The following NDNF variants were observed in gnomAD, a reference collection of about 807,000 sequenced individuals.
The protein encoded by NDNF is protein NDNF.
A neutral mutation model predicts 42.0 loss-of-function variants in NDNF; 16 were observed. That is an observed-to-expected ratio of 0.38 (90% CI 0.26 to 0.58). The LOEUF (loss-of-function observed/expected upper bound fraction) is 0.58. NDNF is among the 20% of genes least tolerant of loss of function. The pLI, the probability that NDNF is intolerant of heterozygous loss-of-function variation, is 0.67. For missense variants in NDNF, 616 were observed against 666.2 expected, an observed-to-expected ratio of 0.92 and a Z score of 0.83; for synonymous variants, 248 against 251.7, an observed-to-expected ratio of 0.99 and a Z score of 0.14.
At chr4:121,055,118 G>C (rs1213458639) in intron 1 of NDNF, among the ~76,000 whole-genome samples, 2 of 152,174 alleles carry the variant, frequency 1.3e-5, no homozygotes, top group African/African-American at 4.8e-5. Flanking sequence ...ACAGGCATGA[G>C]TGGAAAGCTC....
At position 121,045,752 on chromosome 4, in the gene NDNF, A is replaced by T; in HGVS notation, c.86T>A (p.Leu29His). 6.2e-7 allele frequency: 1 copy of T among 1,614,202 alleles called. No individual in the cohort carries two copies. Among genetic ancestry groups the T allele is most frequent in the Non-Finnish European group, 8.5e-7 (1 of 1,180,042 alleles). ...TQKLPTRDEE[L>H]FQMQIRDKAF... ...CTTGTCCCGGATCTGCATCTGAAAA[A>T]GTTCCTCATCCCGGGTGGGTAACTT... The change falls in exon 2 of 4, where the codon CTT (leucine) becomes CAT (histidine). Residue 29 changes from leucine to histidine, a missense_variant. Leu to His is a moderately conservative substitution (Grantham distance 99, BLOSUM62 -3). Transcript: ENST00000379692.
At chr4:121,039,143 G>GTA (rs1386847891) in intron 3 of NDNF, among the ~76,000 whole-genome samples, 14,375 of 37,572 alleles carry the variant, frequency 0.38, 2,692 homozygotes, top group African/African-American at 0.48. Context: ...ATATATATAT[G>GTA]TGTATATATA....
Position 121,037,135 on chromosome 4 carries a change from T to G in NDNF, c.836A>C (p.His279Pro). 6.2e-7 allele frequency: 1 copy of G among 1,614,014 alleles called. No individual in the cohort carries two copies. Among genetic ancestry groups the G allele is most frequent in the Non-Finnish European group, 8.5e-7 (1 of 1,180,026 alleles). Residue 279 changes from histidine to proline, a missense_variant, in exon 4 of 4, where the codon CAT becomes CCT. Coordinates refer to ENST00000379692, the MANE Select transcript of NDNF (RefSeq NM_024574.4). ...ATCAACCTTGGGCCTGGAGTAGACATGACGCCCCAGTTTTGGAGAAGGCTT... is the reference window on the plus strand; with the variant it reads ...ATCAACCTTGGGCCTGGAGTAGACAGGACGCCCCAGTTTTGGAGAAGGCTT... ...QAKPSPKLGR[H>P]VYSRPKVDIQ...
intron 2 of NDNF, among the ~76,000 whole-genome samples, chr4:121,042,808 A>G (rs1345511691): frequency 6.6e-6 from 1 of 152,214 alleles, no homozygotes; most frequent in East Asian, 1.9e-4. Flanking sequence ...AGAAGAAAAC[A>G]ATGTACAAGT....
chr4:121,055,918 A>G (rs112362044), intron 1 of NDNF, among the ~76,000 whole-genome samples: 16 of 152,342 alleles, frequency 1.1e-4, no homozygotes, highest in African/African-American at 3.6e-4. Context: ...CAGAGAAGAA[A>G]GAAGTCCAAA....
At position 121,064,639 on chromosome 4, in the gene NDNF, T is replaced by C. The variant is rs542046142; in HGVS notation, c.-2+7354A>G. On this transcript the variant is annotated intron_variant, in intron 1 of 3. Transcript: ENST00000379692. The stretch of plus-strand genomic sequence containing the variant: ...TTTGAGAGCTTTTTCAGCTTCTTGC[T>C]CAATTCTTTTCAACGTCTCTCACTC... Among the ~76,000 whole-genome samples, 5 of 152,284 alleles carry C rather than the reference T, an allele frequency of 3.3e-5. No homozygotes were observed. In the South Asian group the frequency reaches 1.0e-3, roughly 32 times the overall value.
chr4:121,069,742 GGA>G (rs1727558143), intron 1 of NDNF, among the ~76,000 whole-genome samples: 1 of 152,146 alleles, frequency 6.6e-6, no homozygotes, highest in Non-Finnish European at 1.5e-5. Context: ...TTTCTCTAAA[GGA>G]AGAAGTAAAG....
chr4:121,064,200 G>C (rs1291371207), intron 1 of NDNF, among the ~76,000 whole-genome samples: 1 of 152,176 alleles, frequency 6.6e-6, no homozygotes, highest in African/African-American at 2.4e-5. Context: ...GTGAGTTTAG[G>C]TAAGTCAGAT....
At chr4:121,042,047 T>C (rs1299593827) in intron 2 of NDNF, among the ~76,000 whole-genome samples, 1 of 152,184 alleles carries the variant, frequency 6.6e-6, no homozygotes, top group Non-Finnish European at 1.5e-5. Flanking sequence ...CTCTGATGCA[T>C]TCTCAGAACG....
In NDNF at chr4:121,035,758, C is replaced by A. The variant is rs1726851678; in HGVS notation, c.*506G>T. Reference sequence around the variant, plus strand: ...GAATTTACAATAGCAATATAACTGACTAGAGGGCTATCAACTTAATAATAC... The same window carrying A: ...GAATTTACAATAGCAATATAACTGAATAGAGGGCTATCAACTTAATAATAC... On this transcript the variant is annotated 3_prime_UTR_variant, in exon 4 of 4. Coordinates refer to ENST00000379692, the MANE Select transcript of NDNF (RefSeq NM_024574.4). 6.6e-6 allele frequency: 1 copy of A among 152,612 alleles called. No individual in the cohort carries two copies. Among genetic ancestry groups the A allele is most frequent in the Admixed American group, 6.6e-5 (1 of 15,250 alleles). 9.5% of individuals were successfully genotyped at this position (152,612 alleles called of 1,614,324 possible).
intron 1 of NDNF, among the ~76,000 whole-genome samples, chr4:121,047,483 T>C (rs1727113925): frequency 6.6e-6 from 1 of 152,176 alleles, no homozygotes; most frequent in African/African-American, 2.4e-5. Flanking sequence ...CAAATACAGG[T>C]GGATCTGACT....
chr4:121,040,787 C>T (rs899220625), intron 2 of NDNF, among the ~76,000 whole-genome samples: 7 of 152,126 alleles, frequency 4.6e-5, no homozygotes, highest in Non-Finnish European at 7.4e-5. Flanking sequence ...GGACTGCAGG[C>T]GTGTGCCACC....
In NDNF at chr4:121,035,730, C is replaced by G. The variant is rs1726851096; in HGVS notation, c.*534G>C. ...GTATTTAAACATTTTACTCAACAAA[C>G]AAGAATTTACAATAGCAATATAACT... On this transcript the variant is annotated 3_prime_UTR_variant, in exon 4 of 4. Coordinates refer to ENST00000379692, the MANE Select transcript of NDNF (RefSeq NM_024574.4). The G allele has an allele frequency of 6.6e-6, 1 of 152,422 alleles. No individual in the cohort carries two copies. Among genetic ancestry groups the G allele is most frequent in the Admixed American group, 6.6e-5 (1 of 15,242 alleles). The allele number at this position is 152,422 out of a possible 1,614,324, so 9.4% of individuals were successfully genotyped here.
chr4:121,069,586 A>T (rs538279428), intron 1 of NDNF, among the ~76,000 whole-genome samples: 1 of 152,374 alleles, frequency 6.6e-6, no homozygotes, highest in East Asian at 1.9e-4. Context: ...TCTTTGACAT[A>T]CAGGTTTAAT....
chr4:121,053,244 A>G (rs1340130653), intron 1 of NDNF, among the ~76,000 whole-genome samples: 3 of 152,246 alleles, frequency 2.0e-5, no homozygotes, highest in African/African-American at 7.2e-5. Flanking sequence ...GAAGGAAATT[A>G]AATTAATATA....
rs1388291879 is a variant in NDNF at position 121,042,062 on chromosome 4, A to G, written c.189-2008T>C. Among the ~76,000 whole-genome samples the G allele has an allele frequency of 2.0e-5, 3 of 152,214 alleles. No homozygotes were observed. In the East Asian group the frequency reaches 5.8e-4, roughly 30 times the overall value. ...CTCTGATGCATTCTCAGAACGTCCT[A>G]TACTTTTTACTTTCGGGCACTTATT... On this transcript the variant is annotated intron_variant, in intron 2 of 3. Coordinates refer to ENST00000379692, the MANE Select transcript of NDNF (RefSeq NM_024574.4).
At chr4:121,056,414 T>C (rs565460528) in intron 1 of NDNF, among the ~76,000 whole-genome samples, 4 of 152,310 alleles carry the variant, frequency 2.6e-5, no homozygotes, top group African/African-American at 7.2e-5. Flanking sequence ...AGGTCAGCAA[T>C]CTTTTCATAC....
chr4:121,060,103 C>T (rs1270323741), intron 1 of NDNF, among the ~76,000 whole-genome samples: 1 of 152,102 alleles, frequency 6.6e-6, no homozygotes, highest in African/African-American at 2.4e-5. Flanking sequence ...AGACATTGCC[C>T]ATATCCTTTC....
intron 3 of NDNF, among the ~76,000 whole-genome samples, chr4:121,039,147 ATATATATATG>A (rs59903348): frequency 0.26 from 19,094 of 73,366 alleles, 3,032 homozygotes; most frequent in South Asian, 0.43. Context: ...ATATATGTGT[ATATATATATG>A]TATATATATA....
Sources: allele counts gnomAD v4.1 joint callset (sites outside exome capture counted in the v4.1 genomes callset), GRCh38; gene constraint gnomAD v4.1.1; transcripts MANE v1.5; gene names NCBI Gene and HGNC (gene_info 2026-07-23, HGNC 2026-07-21).